The following POU2F1 variants were observed in gnomAD, a reference collection of about 807,000 sequenced individuals.
POU2F1 encodes POU class 2 homeobox 1.
A neutral mutation model predicts 84.9 loss-of-function variants in POU2F1; 16 were observed. That is an observed-to-expected ratio of 0.19 (90% confidence interval 0.13 to 0.29). The LOEUF (loss-of-function observed/expected upper bound fraction) is 0.29, where lower values mean the gene tolerates loss of function less well. POU2F1 is among the 10% of genes least tolerant of loss of function. POU2F1 has a pLI of 1.00. For missense variants in POU2F1, 738 were observed against 942.6 expected (o/e 0.78, Z 2.84); for synonymous variants, 368 against 368.3 (o/e 1.00, Z 0.01).
intron 2 of POU2F1, among the ~76,000 whole-genome samples, chr1:167,333,401 G>A (rs1282749758): frequency 6.6e-6 from 1 of 152,146 alleles, no homozygotes; most frequent in African/African-American, 2.4e-5. Flanking sequence ...TGAACAGAAA[G>A]TACTTGCTTC....
intron 1 of POU2F1, among the ~76,000 whole-genome samples, chr1:167,271,059 T>C (rs183416898): frequency 1.3e-5 from 2 of 152,238 alleles, no homozygotes; most frequent in Non-Finnish European, 2.9e-5. Context: ...TGTGAAAAGT[T>C]GAATTTATGC....
At position 167,279,824 on chromosome 1, in the gene POU2F1, G is replaced by T. The variant is rs527834133; in HGVS notation, c.62-52646G>T. Among the ~76,000 whole-genome samples the T allele has an allele frequency of 2.0e-4, 31 of 152,260 alleles. No homozygotes were observed. In the South Asian group the frequency reaches 4.6e-3, roughly 22 times the overall value. ...GAAGGGTTAGCAAGCAGGTTTACTT[G>T]TCTAGATTGAGAAAAAAGTGATTCA... On this transcript the variant is annotated intron_variant, in intron 1 of 15. Coordinates refer to ENST00000367866, the MANE Select transcript of POU2F1 (RefSeq NM_002697.4).
chr1:167,245,987 A>G (rs958330250), intron 1 of POU2F1, among the ~76,000 whole-genome samples: 1 of 152,250 alleles, frequency 6.6e-6, no homozygotes, highest in African/African-American at 2.4e-5. Flanking sequence ...CTTTCTGAAA[A>G]TCTAAGTTTA....
rs1436354567 is a variant in POU2F1, at chr1:167,411,978, C to T, written c.1575C>T (p.Ser525=). The stretch of plus-strand genomic sequence containing the variant: ...TTTCAGGCACTTCAGACACCACCTC[C>T]AACAACACAGCAACCGTGATTTCCA... The part of the protein sequence containing the change: ...LSVTGTSDTT[S]NNTATVISTA... The change falls in exon 14 of 16, where the codon TCC becomes TCT. Residue 525 remains serine, a synonymous_variant. Transcript: ENST00000367866. 2 of 1,613,056 alleles carry T rather than the reference C, an allele frequency of 1.2e-6. No homozygotes were observed. Among genetic ancestry groups the T allele is most frequent in the East Asian group, 2.2e-5 (1 of 44,862 alleles).
intron 13 of POU2F1, among the ~76,000 whole-genome samples, chr1:167,402,593 C>T (rs917586659): frequency 3.3e-5 from 5 of 152,172 alleles, no homozygotes; most frequent in African/African-American, 1.2e-4. Flanking sequence ...GACATATACA[C>T]AATTTTTAGT....
In POU2F1 at chr1:167,398,049, A is replaced by G. The variant is rs990762705; in HGVS notation, c.1185A>G (p.Gly395=). ...LSSPSALNSP[G]IEGLSRRRKK... ...GCCCAAGTGCCCTGAATTCTCCAGG[A>G]ATTGAGGGCTTGAGCCGTAGGAGGA... The change falls in exon 11 of 16, where the codon GGA becomes GGG. Residue 395 remains glycine (G), a synonymous_variant. Coordinates refer to ENST00000367866, the MANE Select transcript of POU2F1 (RefSeq NM_002697.4). The G allele has an allele frequency of 6.2e-7, 1 of 1,614,046 alleles. No individual in the cohort carries two copies. Among genetic ancestry groups the G allele is most frequent in the Admixed American group, 1.7e-5 (1 of 60,014 alleles).
At chr1:167,279,849 A>G (rs539865558) in intron 1 of POU2F1, among the ~76,000 whole-genome samples, 1 of 152,274 alleles carries the variant, frequency 6.6e-6, no homozygotes, top group South Asian at 2.1e-4. Context: ...AAAGTGATTC[A>G]TGGAAACTAT....
intron 7 of POU2F1, among the ~76,000 whole-genome samples, chr1:167,381,922 A>T (rs1031793614): frequency 2.0e-5 from 3 of 151,716 alleles, no homozygotes; most frequent in African/African-American, 7.3e-5. Context: ...CTCTTTTTTT[A>T]TTATTGTTTT....
chr1:167,309,916 A>G lies in POU2F1; in HGVS notation c.62-22554A>G, dbSNP rs989117470. 1.1e-4 allele frequency among the ~76,000 whole-genome samples: 17 copies of G among 152,176 alleles called. 1 individual carries two copies. Among genetic ancestry groups the G allele is most frequent in the Admixed American group, 2.0e-4 (3 of 15,278 alleles). ...TGAAAACATTCCATCATTTATGAAG[A>G]ACAATAAGGACTTTTTACTGTTTTT... On this transcript the variant is annotated intron_variant, in intron 1 of 15. Coordinates refer to ENST00000367866, the MANE Select transcript of POU2F1 (RefSeq NM_002697.4).
chr1:167,278,876 A>C (rs563989915), intron 1 of POU2F1, among the ~76,000 whole-genome samples: 13 of 152,086 alleles, frequency 8.5e-5, no homozygotes, highest in African/African-American at 3.1e-4. Context: ...CCTATTTCAC[A>C]TGGGTACATA....
chr1:167,394,683 G>A (rs1474184073), intron 9 of POU2F1, among the ~76,000 whole-genome samples: 1 of 152,134 alleles, frequency 6.6e-6, no homozygotes, highest in Non-Finnish European at 1.5e-5. Flanking sequence ...AGCCACTTGT[G>A]GCTGGTGGCT....
intron 2 of POU2F1, among the ~76,000 whole-genome samples, chr1:167,356,916 A>G (rs1017728287): frequency 4.6e-5 from 7 of 152,192 alleles, no homozygotes; most frequent in African/African-American, 1.7e-4. Flanking sequence ...AGTTGTAGAC[A>G]TGCCCATCTG....
Position 167,284,808 on chromosome 1 carries a change from T to C in POU2F1, c.62-47662T>C, listed in dbSNP as rs544979148. Among the ~76,000 whole-genome samples, 14 of 152,352 alleles carry C rather than the reference T, an allele frequency of 9.2e-5. No individual in the cohort carries two copies. The East Asian group carries it at 9.6e-4, about 10-fold the overall frequency. On this transcript the variant is annotated intron_variant, in intron 1 of 15. Coordinates refer to ENST00000367866, the MANE Select transcript of POU2F1 (RefSeq NM_002697.4). ...CATACAGTGGTAGACTTTCTACTTT[T>C]ATATTATCCTTAGCTGTTTTAGTTT...
intron 2 of POU2F1, among the ~76,000 whole-genome samples, chr1:167,351,519 CAAAAA>C (rs34170498): frequency 1.0e-3 from 47 of 45,982 alleles, no homozygotes; most frequent in Admixed American, 6.4e-3. Context: ...AGCACCATCT[CAAAAA>C]AAAAAAAAAA....
At position 167,413,197 on chromosome 1, in the gene POU2F1, CAG is replaced by C. The variant is rs113035157; in HGVS notation, c.1990+87_1990+88del. 2.8e-5 allele frequency: 34 copies of C among 1,216,044 alleles called. 1 individual carries two copies. The African/African-American group carries it at 2.9e-4, about 10-fold the overall frequency. 75.3% of individuals were successfully genotyped at this position (1,216,044 alleles called of 1,614,324 possible). A position where few individuals can be genotyped will look rare whatever the true frequency, so the allele number is the denominator to read the frequency against. On this transcript the variant is annotated intron_variant, in intron 15 of 15. Coordinates refer to ENST00000367866, the MANE Select transcript of POU2F1 (RefSeq NM_002697.4). ...TGTGTGTGTGTGTGTGTGCTTGAGA[CAG>C]AGATAGAGGAAGTCTGCTTTGCTAG...
chr1:167,366,393 A>T (rs577714995), intron 3 of POU2F1, among the ~76,000 whole-genome samples: 2 of 152,332 alleles, frequency 1.3e-5, no homozygotes, highest in East Asian at 1.9e-4. Context: ...ACCCATATGT[A>T]CATAAGACAG....
chr1:167,301,462 T>C (rs1654696715), intron 1 of POU2F1, among the ~76,000 whole-genome samples: 1 of 152,246 alleles, frequency 6.6e-6, no homozygotes, highest in Non-Finnish European at 1.5e-5. Flanking sequence ...TAAATGAATA[T>C]TGAAACTTTT....
intron 1 of POU2F1, among the ~76,000 whole-genome samples, chr1:167,322,354 G>C (rs1256437792): frequency 1.3e-5 from 2 of 152,202 alleles, no homozygotes; most frequent in Non-Finnish European, 2.9e-5. Flanking sequence ...ATTGTAATCT[G>C]AATCTATGAC....
chr1:167,318,674 C>T (rs548259288), intron 1 of POU2F1, among the ~76,000 whole-genome samples: 16 of 152,222 alleles, frequency 1.1e-4, no homozygotes, highest in African/African-American at 3.6e-4. Context: ...AGATTGATAG[C>T]GAGGGGGTAG....
Sources: gnomAD v4.1 joint callset for allele counts (sites outside exome capture counted in the v4.1 genomes callset) on GRCh38, gnomAD v4.1.1 for gene constraint, MANE v1.5 for transcripts, NCBI Gene and HGNC (gene_info 2026-07-23, HGNC 2026-07-21) for gene names.